Variants in NRG3 observed in about 807,000 individuals in gnomAD.
NRG3 encodes pro-neuregulin-3, membrane-bound isoform.
NRG3 carries 31 observed loss-of-function variants against 66.9 expected under a neutral mutation model. That is an observed-to-expected ratio of 0.46 (90% CI 0.35 to 0.63). The LOEUF (loss-of-function observed/expected upper bound fraction) is 0.63, where lower values mean the gene tolerates loss of function less well. NRG3 is among the 20% of genes least tolerant of loss of function. The probability of loss-of-function intolerance (pLI) is 0.00; values close to 1 mark genes in which losing one functional copy is unlikely to be tolerated. For synonymous variants in NRG3, 393 were observed against 359.4 expected, an observed-to-expected ratio of 1.09 and a Z score of -1.06; for missense variants, 910 against 878.9, an observed-to-expected ratio of 1.04 and a Z score of -0.45.
chr10:82,961,601 C>T (rs779815034), intron 6 of NRG3, among the ~76,000 whole-genome samples: 1 of 152,192 alleles, frequency 6.6e-6, no homozygotes, highest in African/African-American at 2.4e-5. Context: ...TCTGAAGACA[C>T]TTTGGCTATT....
At chr10:82,671,721 G>A (rs897331851) in intron 2 of NRG3, among the ~76,000 whole-genome samples, 13 of 152,168 alleles carry the variant, frequency 8.5e-5, no homozygotes, top group African/African-American at 3.1e-4. Context: ...ACAGAGAGAT[G>A]AACCAACTCA....
chr10:82,102,018 T>C (rs1344028779), intron 1 of NRG3, among the ~76,000 whole-genome samples: 1 of 145,174 alleles, frequency 6.9e-6, no homozygotes, highest in Admixed American at 6.9e-5. Context: ...TATATATATA[T>C]ACGCACACAT....
chr10:82,517,645 T>TTGTG lies in NRG3; in HGVS notation c.953+158798_953+158801dup, dbSNP rs58746808. ...TCTCACCCCGCCCCCCCGTGTGTGT[T>TTGTG]TGTGTGTGTGTGTGTGTGTGTGTGC... is the stretch of plus-strand genomic sequence containing the variant. On this transcript the variant is annotated intron_variant, in intron 2 of 8. Transcript: ENST00000372141. 4.4e-4 allele frequency among the ~76,000 whole-genome samples: 64 copies of TTGTG among 144,578 alleles called. No individual in the cohort carries two copies. The South Asian group carries it at 9.1e-3, about 21-fold the overall frequency. The allele number at this position is 144,578 out of a possible 152,430, so 94.8% of individuals were successfully genotyped here. A position where few individuals can be genotyped will look rare whatever the true frequency, so the allele number is the denominator to read the frequency against.
chr10:82,360,373 A>G (rs905708611), intron 2 of NRG3, among the ~76,000 whole-genome samples: 1 of 152,214 alleles, frequency 6.6e-6, no homozygotes, highest in African/African-American at 2.4e-5. Flanking sequence ...ATCTAATGGG[A>G]TAATCATTTG....
At chr10:82,203,713 T>G (rs2074967902) in intron 1 of NRG3, among the ~76,000 whole-genome samples, 1 of 152,198 alleles carries the variant, frequency 6.6e-6, no homozygotes, top group Admixed American at 6.5e-5. Flanking sequence ...ATTCTTACTT[T>G]AAGCATACCT....
At chr10:82,404,685 G>A (rs2087367925) in intron 2 of NRG3, among the ~76,000 whole-genome samples, 1 of 152,038 alleles carries the variant, frequency 6.6e-6, no homozygotes, top group Non-Finnish European at 1.5e-5. Flanking sequence ...ATTTGCTAAG[G>A]GATTAGTAAT....
At chr10:82,108,175 A>G (rs1364899206) in intron 1 of NRG3, among the ~76,000 whole-genome samples, 1 of 152,236 alleles carries the variant, frequency 6.6e-6, no homozygotes, top group Non-Finnish European at 1.5e-5. Context: ...GCACAGTTAG[A>G]AAACATCTGG....
intron 2 of NRG3, among the ~76,000 whole-genome samples, chr10:82,403,460 A>G (rs2087266155): frequency 6.6e-6 from 1 of 152,194 alleles, no homozygotes; most frequent in African/African-American, 2.4e-5. Context: ...TTCCACTATA[A>G]TTTATAGATT....
At chr10:82,704,150 A>G (rs1039055259) in intron 2 of NRG3, among the ~76,000 whole-genome samples, 2 of 152,128 alleles carry the variant, frequency 1.3e-5, no homozygotes, top group Non-Finnish European at 2.9e-5. Flanking sequence ...GCTTCTGTAA[A>G]CATGTTAGAA....
intron 1 of NRG3, among the ~76,000 whole-genome samples, chr10:82,158,460 T>C (rs1424953709): frequency 6.6e-6 from 1 of 151,826 alleles, no homozygotes; most frequent in African/African-American, 2.4e-5. Context: ...TCCGTATGTG[T>C]TGTATTTGAA....
intron 2 of NRG3, among the ~76,000 whole-genome samples, chr10:82,526,507 A>G (rs1272573654): frequency 1.3e-5 from 2 of 151,834 alleles, no homozygotes; most frequent in African/African-American, 4.8e-5. Flanking sequence ...AGATGTACCT[A>G]AAGCATAAAG....
intron 1 of NRG3, among the ~76,000 whole-genome samples, chr10:82,042,418 C>T (rs1236668909): frequency 6.6e-6 from 1 of 151,940 alleles, no homozygotes; most frequent in African/African-American, 2.4e-5. Flanking sequence ...TCAAAAATGT[C>T]TCAAGATAGT....
At chr10:82,614,092 G>A in intron 2 of NRG3, among the ~76,000 whole-genome samples, 1 of 150,346 alleles carries the variant, frequency 6.7e-6, no homozygotes. Context: ...TAGAGAAGAG[G>A]TTTCACCATG....
At chr10:82,378,954 A>T (rs182067057) in intron 2 of NRG3, among the ~76,000 whole-genome samples, 1 of 152,246 alleles carries the variant, frequency 6.6e-6, no homozygotes, top group Admixed American at 6.5e-5. Context: ...GACTATAAGG[A>T]TAAGAGCACT....
intron 3 of NRG3, among the ~76,000 whole-genome samples, chr10:82,827,434 AC>A (rs2062288222): frequency 6.6e-6 from 1 of 152,124 alleles, no homozygotes; most frequent in Non-Finnish European, 1.5e-5. Flanking sequence ...AGCAGGTAGT[AC>A]TTCCTGGAGC....
chr10:82,269,645 T>C (rs2078490023), intron 1 of NRG3, among the ~76,000 whole-genome samples: 1 of 152,156 alleles, frequency 6.6e-6, no homozygotes, highest in Admixed American at 6.5e-5. Flanking sequence ...ATGCACTAGA[T>C]AGTAGATTGA....
intron 2 of NRG3, among the ~76,000 whole-genome samples, chr10:82,637,087 A>C (rs950060787): frequency 6.6e-6 from 1 of 152,192 alleles, no homozygotes; most frequent in East Asian, 1.9e-4. Context: ...GGAAAAATAG[A>C]TAACTATGTG....
intron 1 of NRG3, among the ~76,000 whole-genome samples, chr10:82,295,078 A>G (rs1259830529): frequency 6.6e-6 from 1 of 152,112 alleles, no homozygotes. Context: ...AATGTAAAAA[A>G]AAAATTCAAC....
At chr10:82,316,670 A>G (rs551084438) in intron 1 of NRG3, among the ~76,000 whole-genome samples, 5 of 152,320 alleles carry the variant, frequency 3.3e-5, no homozygotes, top group East Asian at 3.9e-4. Flanking sequence ...CTAAGATTTC[A>G]TTTCATAAAA....
Sources: gnomAD v4.1 joint callset for allele counts (sites outside exome capture counted in the v4.1 genomes callset) on GRCh38, gnomAD v4.1.1 for gene constraint, MANE v1.5 for transcripts, NCBI Gene and HGNC (gene_info 2026-07-23, HGNC 2026-07-21) for gene names.